The following LCN12 variants were observed in gnomAD, a reference collection of about 807,000 sequenced individuals.
LCN12 encodes lipocalin 12.
Under a neutral mutation model 23.7 loss-of-function variants are expected in LCN12, and 15 were observed. The observed-to-expected ratio is 0.63, with a 90% CI of 0.42 to 0.97. The LOEUF is 0.97. Ranked by LOEUF, LCN12 falls within the 50% of genes least tolerant of loss-of-function variation. The pLI, the probability that LCN12 is intolerant of heterozygous loss-of-function variation, is 0.00. For missense variants in LCN12, 219 were observed against 249.6 expected (o/e 0.88, Z 0.83); for synonymous variants, 116 against 111.5 (o/e 1.04, Z -0.25).
downstream of LCN12, among the ~76,000 whole-genome samples, chr9:136,956,239 G>C (rs1433069789): frequency 4.6e-5 from 7 of 152,304 alleles, 1 homozygote; most frequent in East Asian, 1.3e-3. Context: ...GACCCTAGTG[G>C]TCTCTGGCCT....
intron 1 of LCN12, chr9:136,952,672 ACAGG>A (rs1851188860): frequency 1.6e-6 from 1 of 638,954 alleles, no homozygotes; most frequent in Admixed American, 2.9e-5. Context: ...GTGAGGGGAA[ACAGG>A]CTCGGGAAGG....
upstream of LCN12, among the ~76,000 whole-genome samples, chr9:136,951,835 G>T (rs775641236): frequency 2.0e-5 from 3 of 152,248 alleles, no homozygotes; most frequent in Non-Finnish European, 4.4e-5. Context: ...AGGCAGGGTG[G>T]GGGTAGGGGG....
At chr9:136,956,211 C>T (rs1851315983), downstream of LCN12, among the ~76,000 whole-genome samples, 1 of 152,186 alleles carries the variant, frequency 6.6e-6, no homozygotes, top group Non-Finnish European at 1.5e-5. Flanking sequence ...GAGCAGGACA[C>T]CACCCAGGGC....
At chr9:136,956,422 G>A (rs1034971252), downstream of LCN12, among the ~76,000 whole-genome samples, 7 of 152,200 alleles carry the variant, frequency 4.6e-5, no homozygotes, top group Non-Finnish European at 7.3e-5. Context: ...ACTGGAAGAC[G>A]GACAGAGACA....
chr9:136,954,122 C>A, intron 4 of LCN12, 32 bp from the exon 5 acceptor site: 1 of 1,529,462 alleles, frequency 6.5e-7, no homozygotes, highest in Non-Finnish European at 8.8e-7. Flanking sequence ...CTGCCAAGTG[C>A]ACAGACCCAT....
downstream of LCN12, chr9:136,955,611 G>T: frequency 1.9e-6 from 1 of 533,878 alleles, no homozygotes; most frequent in South Asian, 2.8e-5. Context: ...TGGCCCCCCA[G>T]CCGGCTGTCT....
chr9:136,955,583 C>T (rs113216348), downstream of LCN12: 1,334 of 584,172 alleles, frequency 2.3e-3, 25 homozygotes, highest in African/African-American at 0.023. Flanking sequence ...TGCAACAGCT[C>T]CTTCTCTGGG....
chr9:136,955,218 C>G (rs1304104631), intron 5 of LCN12, 153 bp from the exon 6 acceptor site: 6 of 1,439,536 alleles, frequency 4.2e-6, no homozygotes, highest in Non-Finnish European at 5.5e-6. Flanking sequence ...CTCACCCCAG[C>G]CCCTTCCCCT....
rs750450024 is a variant in LCN12 at position 136,953,929 on chromosome 9, C to T, written c.413C>T (p.Thr138Met). ...QFALMLSRRH[T>M]SRLAVLRISL... ...GCCCTGATGCTGTCCCGCAGACACA[C>T]GAGCAGGCTGGCCGTCCTCAGGATC... The change falls in exon 4 of 6, where the codon ACG (threonine) becomes ATG (methionine). Residue 138 changes from threonine to methionine, a missense_variant. Transcript: ENST00000371633. 30 of 1,611,328 alleles carry T rather than the reference C, an allele frequency of 1.9e-5. No homozygotes were observed. Among genetic ancestry groups the T allele is most frequent in the Middle Eastern group, 1.7e-4 (1 of 6,008 alleles).
chr9:136,952,941 C>G lies in LCN12; in HGVS notation c.164C>G (p.Pro55Arg). 2 of 1,613,864 alleles carry G rather than the reference C, an allele frequency of 1.2e-6. No individual in the cohort carries two copies. Among genetic ancestry groups the G allele is most frequent in the Non-Finnish European group, 1.7e-6 (2 of 1,179,974 alleles). The change falls in exon 2 of 6, where the codon CCG (proline) becomes CGG (arginine). Residue 55 changes from proline (P) to arginine (R), a missense_variant. Coordinates refer to ENST00000371633, the MANE Select transcript of LCN12 (RefSeq NM_178536.4). ...GGCCTGGCGGGCAACAGCTTCAGGC[C>G]GGAGCACAGGGCGCTGCTGAACGCT... ...VLGLAGNSFR[P>R]EHRALLNAFT...
intron 5 of LCN12, chr9:136,954,573 A>ACAGGCCCAGGTCC (rs1206444535): frequency 1.3e-5 from 2 of 153,712 alleles, no homozygotes; most frequent in Non-Finnish European, 2.3e-5. Context: ...GTCCCGGCCC[A>ACAGGCCCAGGTCC]CCTCCTCCCA....
At position 136,953,605 on chromosome 9, in the gene LCN12, C is replaced by A; in HGVS notation, c.252-95C>A. On this transcript the variant is annotated intron_variant, in intron 2 of 5. Transcript: ENST00000371633. The stretch of plus-strand genomic sequence containing the variant: ...GCTTGGCCACTCCCGCCGTGGGTCC[C>A]TCTGAATAAGTGGCTGAAATCTCCT... The A allele has an allele frequency of 5.5e-6, 5 of 907,588 alleles. No individual in the cohort carries two copies. In the South Asian group the frequency reaches 8.8e-5, roughly 16 times the overall value. The allele number at this position is 907,588 out of a possible 1,614,324, so 56.2% of individuals were successfully genotyped here. A position where few individuals can be genotyped will look rare whatever the true frequency, so the allele number is the denominator to read the frequency against.
downstream of LCN12, among the ~76,000 whole-genome samples, chr9:136,956,223 G>T (rs908833): frequency 0.5 from 75,609 of 151,934 alleles, 19,512 homozygotes; most frequent in East Asian, 0.84. Context: ...ACCCAGGGCG[G>T]CCATGGACCC....
chr9:136,949,289 G>A (rs969078651), upstream of LCN12, among the ~76,000 whole-genome samples: 3 of 152,218 alleles, frequency 2.0e-5, no homozygotes, highest in Non-Finnish European at 4.4e-5. Flanking sequence ...TAGCAGTCTT[G>A]CCCAAGACCT....
chr9:136,951,970 A>C (rs1588472115), upstream of LCN12, among the ~76,000 whole-genome samples: 1 of 152,316 alleles, frequency 6.6e-6, no homozygotes, highest in East Asian at 1.9e-4. Context: ...ACAGGGAGGA[A>C]GGCTGGGGCA....
upstream of LCN12, among the ~76,000 whole-genome samples, chr9:136,949,235 TAAAA>T (rs1380320501): frequency 2.6e-5 from 4 of 151,830 alleles, no homozygotes; most frequent in South Asian, 6.3e-4. Flanking sequence ...CATCTCTATT[TAAAA>T]AAAAAGTTTT....
In LCN12 at chr9:136,954,191, G is replaced by C; in HGVS notation, c.486G>C (p.Gln162His). The C allele has an allele frequency of 6.3e-7, 1 of 1,575,070 alleles. No individual in the cohort carries two copies. Among genetic ancestry groups the C allele is most frequent in the Non-Finnish European group, 8.6e-7 (1 of 1,159,758 alleles). ...TGCTGCCTCCCGGGACGCTGGACCA[G>C]TTCATCTGCCTGGGCAGAGCTCAGG... ...SWLLPPGTLD[Q>H]FICLGRAQGL... The change falls in exon 5 of 6, where the codon CAG (glutamine) becomes CAC (histidine). Residue 162 changes from glutamine to histidine, a missense_variant. Coordinates refer to ENST00000371633, the MANE Select transcript of LCN12 (RefSeq NM_178536.4).
At chr9:136,955,344 C>G (rs371689884) in intron 5 of LCN12, 27 bp from the exon 6 acceptor site, 4 of 1,611,484 alleles carry the variant, frequency 2.5e-6, no homozygotes, top group African/African-American at 1.3e-5. Flanking sequence ...CCTTTGTCCT[C>G]CATCCCGACT....
intron 1 of LCN12, 177 bp downstream of exon 1, chr9:136,952,618 C>A: frequency 1.6e-6 from 1 of 631,054 alleles, no homozygotes; most frequent in South Asian, 2.0e-5. Flanking sequence ...ACCTTCCTGG[C>A]ACCCATTCCC....
Sources: gnomAD v4.1 joint callset for allele counts (sites outside exome capture counted in the v4.1 genomes callset) on GRCh38, gnomAD v4.1.1 for gene constraint, MANE v1.5 for transcripts, NCBI Gene and HGNC (gene_info 2026-07-23, HGNC 2026-07-21) for gene names.